Variants in IER2 observed in about 807,000 individuals in gnomAD.
IER2 encodes immediate early response gene 2 protein.
For missense variants in IER2, 372 were observed against 325.4 expected (o/e 1.14, Z -1.10); for synonymous variants, 198 against 149.6 (o/e 1.32, Z -2.36).
At position 13,153,481 on chromosome 19, in the gene IER2, C is replaced by A; in HGVS notation, c.295C>A (p.Gln99Lys). 1 of 1,590,000 alleles carries A rather than the reference C, an allele frequency of 6.3e-7. No homozygotes were observed. The highest frequency in any genetic ancestry group is 8.6e-7 in the Non-Finnish European group (1 of 1,169,490). The change falls in exon 2 of 2, where the codon CAG (glutamine) becomes AAG (lysine). Residue 99 changes from glutamine (Q) to lysine (K), a missense_variant. Physicochemically the swap from Gln to Lys is moderately conservative, Grantham distance 53. Coordinates refer to ENST00000292433, the MANE Select transcript of IER2 (RefSeq NM_004907.3). The part of the protein sequence containing the change: ...EHPFPEPMDT[Q>K]EAPTAEETSA... The stretch of plus-strand genomic sequence containing the variant: ...CCCGTTTCCGGAGCCAATGGACACG[C>A]AGGAGGCGCCGACAGCCGAGGAGAC...
Position 13,153,868 on chromosome 19 carries a change from G to A in IER2, c.*10G>A. ...CGTGGTGGCCTTCTGAGGACCCCGA[G>A]CGGCGCTGCCGGAGCCCAGAGCGCG... On this transcript the variant is annotated 3_prime_UTR_variant, in exon 2 of 2. Coordinates refer to ENST00000292433, the MANE Select transcript of IER2 (RefSeq NM_004907.3). The A allele has an allele frequency of 7.1e-7, 1 of 1,412,448 alleles. No individual in the cohort carries two copies. Among genetic ancestry groups the A allele is most frequent in the South Asian group, 1.6e-5 (1 of 64,034 alleles). 87.5% of individuals were successfully genotyped at this position (1,412,448 alleles called of 1,614,324 possible).
At chr19:13,152,171 C>G (rs1371016827) in intron 1 of IER2, 1 of 152,256 alleles carries the variant, frequency 6.6e-6, no homozygotes, top group South Asian at 2.1e-4. Context: ...AACCTAACCC[C>G]GCCTCCCCGA....
chr19:13,153,318 G>A lies in IER2; in HGVS notation c.132G>A (p.Arg44=). The change falls in exon 2 of 2, where the codon CGG becomes CGA. Residue 44 remains arginine (R), a synonymous_variant. Coordinates refer to ENST00000292433, the MANE Select transcript of IER2 (RefSeq NM_004907.3). ...LQLSLVMRSA[R]ELYLSAKVEA... ...TGTCGCTGGTCATGCGCAGCGCCCG[G>A]GAGCTCTACCTCTCGGCCAAGGTGG... The A allele has an allele frequency of 6.2e-7, 1 of 1,603,148 alleles. No homozygotes were observed.
Position 13,153,900 on chromosome 19 carries a change from A to G in IER2, c.*42A>G. The G allele has an allele frequency of 7.2e-7, 1 of 1,391,716 alleles. No individual in the cohort carries two copies. The highest frequency in any genetic ancestry group is 9.3e-7 in the Non-Finnish European group (1 of 1,073,512). 86.2% of individuals were successfully genotyped at this position (1,391,716 alleles called of 1,614,324 possible). A position where few individuals can be genotyped will look rare whatever the true frequency, so the allele number is the denominator to read the frequency against. On this transcript the variant is annotated 3_prime_UTR_variant, in exon 2 of 2. Transcript: ENST00000292433. ...TGCCGGAGCCCAGAGCGCGCGTCGA[A>G]CCGTCGGCCCGAGGGCGCAGACCTG...
chr19:13,153,887 G>A lies in IER2; in HGVS notation c.*29G>A. The A allele has an allele frequency of 7.1e-7, 1 of 1,401,754 alleles. No homozygotes were observed. Among genetic ancestry groups the A allele is most frequent in the South Asian group, 1.6e-5 (1 of 62,586 alleles). The allele number at this position is 1,401,754 out of a possible 1,614,324, so 86.8% of individuals were successfully genotyped here. Reference sequence around the variant, plus strand: ...CCCCGAGCGGCGCTGCCGGAGCCCAGAGCGCGCGTCGAACCGTCGGCCCGA... The same window carrying A: ...CCCCGAGCGGCGCTGCCGGAGCCCAAAGCGCGCGTCGAACCGTCGGCCCGA... On this transcript the variant is annotated 3_prime_UTR_variant, in exon 2 of 2. Coordinates refer to ENST00000292433, the MANE Select transcript of IER2 (RefSeq NM_004907.3).
Position 13,150,419 on chromosome 19 carries a change from C to T in IER2, c.-377C>T, listed in dbSNP as rs998988750. 2.7e-5 allele frequency: 13 copies of T among 488,780 alleles called. No homozygotes were observed. The highest frequency in any genetic ancestry group is 2.0e-4 in the East Asian group (5 of 25,640). 30.3% of individuals were successfully genotyped at this position (488,780 alleles called of 1,614,324 possible). A position where few individuals can be genotyped will look rare whatever the true frequency, so the allele number is the denominator to read the frequency against. On this transcript the variant is annotated 5_prime_UTR_variant, in exon 1 of 2. Transcript: ENST00000292433. The surrounding 1 kb of genome is among the most constrained non-coding windows in gnomAD (Gnocchi z 4.0). ...ACATGCCCCCGCCCCTTAGCCCTCT[C>T]GTGCCGCACCGTAGGGGGCGGTGTC...
rs1254775631 is a variant in IER2 at position 13,154,580 on chromosome 19, T to G, written c.*722T>G. 6.0e-6 allele frequency: 1 copy of G among 167,166 alleles called. No homozygotes were observed. The highest frequency in any genetic ancestry group is 1.5e-5 in the Non-Finnish European group (1 of 68,158). The allele number at this position is 167,166 out of a possible 1,614,324, so 10.4% of individuals were successfully genotyped here. A position where few individuals can be genotyped will look rare whatever the true frequency, so the allele number is the denominator to read the frequency against. ...ACTGATCTACTTTCACATTCTCAAGTTTTTCTCATCTGCATTAGAGGTGCC... is the reference window on the plus strand; with the variant it reads ...ACTGATCTACTTTCACATTCTCAAGGTTTTCTCATCTGCATTAGAGGTGCC... On this transcript the variant is annotated 3_prime_UTR_variant, in exon 2 of 2. Transcript: ENST00000292433.
chr19:13,153,251 G>T lies in IER2; in HGVS notation c.65G>T (p.Arg22Leu). 4.4e-6 allele frequency: 7 copies of T among 1,581,424 alleles called. No homozygotes were observed. Among genetic ancestry groups the T allele is most frequent in the Non-Finnish European group, 6.0e-6 (7 of 1,164,132 alleles). Residue 22 changes from arginine to leucine, a missense_variant, in exon 2 of 2, where the codon CGC becomes CTC. Transcript: ENST00000292433. ...TLSVWKMYHS[R>L]MQRGGLRLHR... ...TCGGTGTGGAAGATGTATCACTCCCGCATGCAGCGCGGTGGCCTGCGGCTG... is the reference window on the plus strand; with the variant it reads ...TCGGTGTGGAAGATGTATCACTCCCTCATGCAGCGCGGTGGCCTGCGGCTG...
At position 13,153,446 on chromosome 19, in the gene IER2, A is replaced by G; in HGVS notation, c.260A>G (p.Asp87Gly). ...TCCACGGCCGAGACAGCGACCCCCG[A>G]CGGTGAGCACCCGTTTCCGGAGCCA... ...AESTAETATP[D>G]GEHPFPEPMD... The change falls in exon 2 of 2, where the codon GAC (aspartate) becomes GGC (glycine). Residue 87 changes from aspartate (D) to glycine (G), a missense_variant. Coordinates refer to ENST00000292433, the MANE Select transcript of IER2 (RefSeq NM_004907.3). 1 of 1,595,038 alleles carries G rather than the reference A, an allele frequency of 6.3e-7. No homozygotes were observed. Among genetic ancestry groups the G allele is most frequent in the East Asian group, 2.3e-5 (1 of 43,886 alleles).
In IER2 at chr19:13,153,992, C is replaced by A. The variant is rs774239108; in HGVS notation, c.*134C>A. The A allele has an allele frequency of 1.0e-4, 80 of 766,090 alleles. No homozygotes were observed. The highest frequency in any genetic ancestry group is 1.4e-4 in the Non-Finnish European group (70 of 510,246). 47.5% of individuals were successfully genotyped at this position (766,090 alleles called of 1,614,324 possible). A position where few individuals can be genotyped will look rare whatever the true frequency, so the allele number is the denominator to read the frequency against. On this transcript the variant is annotated 3_prime_UTR_variant, in exon 2 of 2. Coordinates refer to ENST00000292433, the MANE Select transcript of IER2 (RefSeq NM_004907.3). Reference sequence around the variant, plus strand: ...AAAACCGTGGAGAGAAGCCGCCGCCCGGGCTGCTGAGAGGCCCGGAGAGGG... The same window carrying A: ...AAAACCGTGGAGAGAAGCCGCCGCCAGGGCTGCTGAGAGGCCCGGAGAGGG...
Position 13,150,461 on chromosome 19 carries a change from C to T in IER2, c.-335C>T. On this transcript the variant is annotated 5_prime_UTR_variant, in exon 1 of 2. Transcript: ENST00000292433. This position sits in a 1 kb window ranked among gnomAD's most constrained non-coding sequence, Gnocchi z 4.0. ...GGCGGTGTCGGAGTTCTGTCTGGGC[C>T]TATTCGGGTCCGAGTTCGGAATTTC... 2.6e-6 allele frequency: 1 copy of T among 384,604 alleles called. No individual in the cohort carries two copies. The highest frequency in any genetic ancestry group is 4.7e-6 in the Non-Finnish European group (1 of 213,496). 23.8% of individuals were successfully genotyped at this position (384,604 alleles called of 1,614,324 possible).
In IER2 at chr19:13,154,520, G is replaced by C. The variant is rs2020106342; in HGVS notation, c.*662G>C. ...TCACCCCCGCGTGCTGCTGGTTAAT[G>C]TCCCGCGTCTCTGCACCTTCGGGTG... On this transcript the variant is annotated 3_prime_UTR_variant, in exon 2 of 2. Coordinates refer to ENST00000292433, the MANE Select transcript of IER2 (RefSeq NM_004907.3). 6.0e-6 allele frequency: 1 copy of C among 167,454 alleles called. No homozygotes were observed. The highest frequency in any genetic ancestry group is 2.0e-4 in the South Asian group (1 of 4,926). The allele number at this position is 167,454 out of a possible 1,614,324, so 10.4% of individuals were successfully genotyped here. A position where few individuals can be genotyped will look rare whatever the true frequency, so the allele number is the denominator to read the frequency against.
In IER2 at chr19:13,153,498, C is replaced by T. The variant is rs773581723; in HGVS notation, c.312C>T (p.Ala104=). 24 of 1,585,518 alleles carry T rather than the reference C, an allele frequency of 1.5e-5. No homozygotes were observed. The highest frequency in any genetic ancestry group is 1.7e-4 in the Middle Eastern group (1 of 6,010). The change falls in exon 2 of 2, where the codon GCC becomes GCT. Residue 104 remains alanine, a synonymous_variant. Coordinates refer to ENST00000292433, the MANE Select transcript of IER2 (RefSeq NM_004907.3). ...EPMDTQEAPT[A]EETSACCAPR... is the part of the protein sequence containing the mutation. ...TGGACACGCAGGAGGCGCCGACAGC[C>T]GAGGAGACCTCCGCCTGCTGTGCCC...
intron 1 of IER2, among the ~76,000 whole-genome samples, chr19:13,151,474 G>A (rs907643575): frequency 7.3e-5 from 11 of 151,346 alleles, no homozygotes; most frequent in Non-Finnish European, 1.5e-4. Context: ...AATAACCTGG[G>A]AGGGGGCCTT....
chr19:13,153,392 C>G lies in IER2; in HGVS notation c.206C>G (p.Pro69Arg). 1 of 1,588,774 alleles carries G rather than the reference C, an allele frequency of 6.3e-7. No homozygotes were observed. Among genetic ancestry groups the G allele is most frequent in the East Asian group, 2.3e-5 (1 of 43,562 alleles). ...VSLPAALPSD[P>R]RLHPPREAES... Reference sequence around the variant, plus strand: ...TTGCCGGCCGCCCTCCCCTCTGACCCTCGCCTGCACCCGCCCCGAGAAGCC... The same window carrying G: ...TTGCCGGCCGCCCTCCCCTCTGACCGTCGCCTGCACCCGCCCCGAGAAGCC... The change falls in exon 2 of 2, where the codon CCT (proline) becomes CGT (arginine). Residue 69 changes from proline to arginine, a missense_variant. Pro to Arg is a moderately radical substitution (Grantham distance 103). Coordinates refer to ENST00000292433, the MANE Select transcript of IER2 (RefSeq NM_004907.3).
Position 13,150,460 on chromosome 19 carries a change from C to T in IER2, c.-336C>T. On this transcript the variant is annotated 5_prime_UTR_variant, in exon 1 of 2. Transcript: ENST00000292433. The surrounding 1 kb of genome is among the most constrained non-coding windows in gnomAD (Gnocchi z 4.0). ...GGGCGGTGTCGGAGTTCTGTCTGGG[C>T]CTATTCGGGTCCGAGTTCGGAATTT... The T allele has an allele frequency of 2.5e-6, 1 of 392,162 alleles. No homozygotes were observed. The highest frequency in any genetic ancestry group is 4.6e-6 in the Non-Finnish European group (1 of 218,042). 24.3% of individuals were successfully genotyped at this position (392,162 alleles called of 1,614,324 possible).
At position 13,153,716 on chromosome 19, in the gene IER2, T is replaced by G. The variant is rs2020095879; in HGVS notation, c.530T>G (p.Val177Gly). The G allele has an allele frequency of 6.2e-7, 1 of 1,609,026 alleles. No individual in the cohort carries two copies. Among genetic ancestry groups the G allele is most frequent in the South Asian group, 1.1e-5 (1 of 90,994 alleles). Reference sequence around the variant, plus strand: ...GGCGCCTTTCCCAACCTGGCCCGCGTCCTGCAGAGGCGCTTCTCCGGCCTC... The same window carrying G: ...GGCGCCTTTCCCAACCTGGCCCGCGGCCTGCAGAGGCGCTTCTCCGGCCTC... ...AEGAFPNLAR[V>G]LQRRFSGLLN... The change falls in exon 2 of 2, where the codon GTC becomes GGC. Residue 177 changes from valine to glycine, a missense_variant. Transcript: ENST00000292433.
chr19:13,151,102 G>A (rs1223917969), intron 1 of IER2, among the ~76,000 whole-genome samples: 1 of 151,986 alleles, frequency 6.6e-6, no homozygotes, highest in African/African-American at 2.4e-5. Flanking sequence ...GTGTGTTGGG[G>A]AGCTTCGGGA....
At position 13,153,739 on chromosome 19, in the gene IER2, C is replaced by T; in HGVS notation, c.553C>T (p.Leu185Phe). The T allele has an allele frequency of 1.2e-6, 2 of 1,603,176 alleles. No homozygotes were observed. The highest frequency in any genetic ancestry group is 1.7e-5 in the Admixed American group (1 of 59,512). ...ARVLQRRFSG[L>F]LNCSPAAPPT... ...CGTCCTGCAGAGGCGCTTCTCCGGC[C>T]TCCTGAACTGCAGCCCCGCGGCCCC... Residue 185 changes from leucine to phenylalanine, a missense_variant, in exon 2 of 2, where the codon CTC becomes TTC. Coordinates refer to ENST00000292433, the MANE Select transcript of IER2 (RefSeq NM_004907.3).
Sources: gnomAD v4.1 joint callset for allele counts (sites outside exome capture counted in the v4.1 genomes callset) on GRCh38, gnomAD v4.1.1 for gene constraint, Gnocchi (gnomAD v3.1) non-coding constraint, MANE v1.5 for transcripts, NCBI Gene and HGNC (gene_info 2026-07-23, HGNC 2026-07-21) for gene names.